GNAL: variants seen among roughly 807,000 people sequenced by gnomAD.
The protein encoded by GNAL is G protein subunit alpha L, also known as guanine nucleotide-binding protein G(olf) subunit alpha.
A neutral mutation model predicts 55.1 loss-of-function variants in GNAL; 18 were observed. The observed-to-expected ratio is 0.33, with a 90% CI of 0.23 to 0.48. GNAL has a LOEUF of 0.48. Ranked by LOEUF, GNAL falls within the 20% of genes least tolerant of loss-of-function variation. The pLI is 0.99. For synonymous variants in GNAL, 253 were observed against 237.0 expected, an observed-to-expected ratio of 1.07 and a Z score of -0.62; for missense variants, 412 against 614.1, an observed-to-expected ratio of 0.67 and a Z score of 3.48.
intron 10 of GNAL, among the ~76,000 whole-genome samples, chr18:11,873,163 A>C (rs899214346): frequency 1.3e-5 from 2 of 152,244 alleles, no homozygotes; most frequent in African/African-American, 4.8e-5. Flanking sequence ...CGCTTCTTAC[A>C]TCTTGAATTC....
At chr18:11,694,942 G>A (rs758574092) in intron 1 of GNAL, among the ~76,000 whole-genome samples, 1 of 152,070 alleles carries the variant, frequency 6.6e-6, no homozygotes, top group African/African-American at 2.4e-5. Context: ...GAGATCTCCG[G>A]TGTCTCTTCC....
At chr18:11,851,939 C>G (rs1366864125) in intron 5 of GNAL, 3 of 1,613,860 alleles carry the variant, frequency 1.9e-6, no homozygotes, top group African/African-American at 2.7e-5. Context: ...ACGACGCTCA[C>G]CACTCCCCAG....
intron 4 of GNAL, among the ~76,000 whole-genome samples, chr18:11,763,052 C>T (rs2033293671): frequency 6.6e-6 from 1 of 152,188 alleles, no homozygotes; most frequent in Non-Finnish European, 1.5e-5. Flanking sequence ...AATAAAGATA[C>T]TTTTCTTAAA....
At chr18:11,805,368 C>G (rs16976671) in intron 4 of GNAL, among the ~76,000 whole-genome samples, 47,722 of 151,150 alleles carry the variant, frequency 0.32, 9,268 homozygotes, top group African/African-American at 0.55. Flanking sequence ...TGGAGGTATT[C>G]TGTACTGGTA....
intron 4 of GNAL, among the ~76,000 whole-genome samples, chr18:11,807,601 C>T (rs978046295): frequency 3.3e-5 from 5 of 152,202 alleles, no homozygotes; most frequent in African/African-American, 1.2e-4. Context: ...TTGTAGTTGC[C>T]TGTTGAATTC....
At chr18:11,722,673 G>C (rs1360926849) in intron 1 of GNAL, among the ~76,000 whole-genome samples, 1 of 152,076 alleles carries the variant, frequency 6.6e-6, no homozygotes, top group Non-Finnish European at 1.5e-5. Flanking sequence ...GAGTGAGTTC[G>C]AGACCAGCCT....
chr18:11,783,938 G>A (rs990016924), intron 4 of GNAL, among the ~76,000 whole-genome samples: 1 of 152,210 alleles, frequency 6.6e-6, no homozygotes, highest in African/African-American at 2.4e-5. Context: ...CAGTGTTAGT[G>A]GGGAGGAAAG....
At chr18:11,721,077 C>T (rs2032082307) in intron 1 of GNAL, among the ~76,000 whole-genome samples, 1 of 152,202 alleles carries the variant, frequency 6.6e-6, no homozygotes, top group Admixed American at 6.5e-5. Context: ...GTGTTCATCT[C>T]AGCTCTAAGT....
intron 1 of GNAL, among the ~76,000 whole-genome samples, chr18:11,702,571 A>G (rs1033669803): frequency 2.0e-5 from 3 of 152,222 alleles, no homozygotes; most frequent in Non-Finnish European, 2.9e-5. Flanking sequence ...ACTGACATTC[A>G]GTAGCACGTC....
chr18:11,796,575 C>CAAAAAAAAAAAAA (rs760136358), intron 4 of GNAL, among the ~76,000 whole-genome samples: 35 of 58,936 alleles, frequency 5.9e-4, no homozygotes, highest in South Asian at 2.0e-3. Context: ...CTCCTTCTCA[C>CAAAAAAAAAAAAA]AAAAAAAAAA....
intron 4 of GNAL, among the ~76,000 whole-genome samples, chr18:11,774,834 A>G (rs2033734368): frequency 6.6e-6 from 1 of 152,038 alleles, no homozygotes; most frequent in Non-Finnish European, 1.5e-5. Context: ...CCTCATTTTG[A>G]TTTTTGTTTG....
At position 11,885,499 on chromosome 18, in the gene GNAL, G is replaced by T; in HGVS notation, c.*4364G>T. 2.8e-6 allele frequency: 2 copies of T among 707,650 alleles called. No individual in the cohort carries two copies. Among genetic ancestry groups the T allele is most frequent in the South Asian group, 2.0e-5 (1 of 51,108 alleles). The allele number at this position is 707,650 out of a possible 1,614,324, so 43.8% of individuals were successfully genotyped here. A position where few individuals can be genotyped will look rare whatever the true frequency, so the allele number is the denominator to read the frequency against. ...ATTAACTGCCCAGGAATGTCATGCTGATTGGTTCCCGGAAGGGTGTTTGGC... is the reference window on the plus strand; with the variant it reads ...ATTAACTGCCCAGGAATGTCATGCTTATTGGTTCCCGGAAGGGTGTTTGGC... On this transcript the variant is annotated 3_prime_UTR_variant, in exon 12 of 12. Transcript: ENST00000334049.
chr18:11,828,408 TAA>T (rs2035302845), intron 5 of GNAL, among the ~76,000 whole-genome samples: 3 of 151,972 alleles, frequency 2.0e-5, no homozygotes, highest in African/African-American at 7.3e-5. Context: ...GTCTCAAAAA[TAA>T]AAAGACACAA....
chr18:11,866,750 AGT>A (rs2036271811), intron 7 of GNAL, among the ~76,000 whole-genome samples: 1 of 150,300 alleles, frequency 6.7e-6, no homozygotes, highest in Admixed American at 6.6e-5. Flanking sequence ...GGGAAGACAC[AGT>A]GTCCTGAGAG....
At position 11,846,464 on chromosome 18, in the gene GNAL, T is replaced by TATACACACACAC. The variant is rs1555613166; in HGVS notation, c.723-15930_723-15929insTACACACACACA. 1.8e-3 allele frequency among the ~76,000 whole-genome samples: 247 copies of TATACACACACAC among 140,082 alleles called. No homozygotes were observed. The Middle Eastern group carries it at 0.018, about 10-fold the overall frequency. 91.9% of individuals were successfully genotyped at this position (140,082 alleles called of 152,430 possible). A position where few individuals can be genotyped will look rare whatever the true frequency, so the allele number is the denominator to read the frequency against. On this transcript the variant is annotated intron_variant, in intron 5 of 11. Transcript: ENST00000334049. ...ATAAATATAAATATATATATAAATATACACACACACACACACACACACACA... is the reference window on the plus strand; with the variant it reads ...ATAAATATAAATATATATATAAATATATACACACACACACACACACACACACACACACACACA...
intron 5 of GNAL, among the ~76,000 whole-genome samples, chr18:11,838,001 C>T (rs1375201844): frequency 6.6e-6 from 1 of 152,150 alleles, no homozygotes; most frequent in Non-Finnish European, 1.5e-5. Flanking sequence ...CATGGTGATG[C>T]GCACTGGTAG....
At chr18:11,802,730 G>C (rs554245601) in intron 4 of GNAL, among the ~76,000 whole-genome samples, 98 of 152,354 alleles carry the variant, frequency 6.4e-4, no homozygotes, top group African/African-American at 2.3e-3. Context: ...TCAGCACACA[G>C]TGTGTTGATG....
At chr18:11,706,772 C>T (rs754915592) in intron 1 of GNAL, among the ~76,000 whole-genome samples, 3 of 152,176 alleles carry the variant, frequency 2.0e-5, no homozygotes, top group Non-Finnish European at 4.4e-5. Flanking sequence ...AACATTGTAT[C>T]CTGAGATTGC....
At chr18:11,873,857 C>T (rs1336648543) in intron 10 of GNAL, among the ~76,000 whole-genome samples, 4 of 151,960 alleles carry the variant, frequency 2.6e-5, no homozygotes, top group Admixed American at 1.3e-4. Context: ...GCCGGGGGGT[C>T]CTTCCAACAG....
Sources: allele counts gnomAD v4.1 joint callset (sites outside exome capture counted in the v4.1 genomes callset), GRCh38; gene constraint gnomAD v4.1.1; transcripts MANE v1.5; gene names NCBI Gene and HGNC (gene_info 2026-07-23, HGNC 2026-07-21).